RALYL: variants seen among roughly 807,000 people sequenced by gnomAD.
RALYL encodes the protein RALY RNA binding protein like.
In RALYL, 29 loss-of-function variants were observed where a neutral mutation model predicts 35.1. The ratio of observed to expected loss-of-function variants is 0.83; its 90% confidence interval spans 0.61 to 1.13. The LOEUF is 1.13. RALYL is among the 50% of genes most tolerant of loss of function. The probability of loss-of-function intolerance (pLI) is 0.00; values close to 1 mark genes in which losing one functional copy is unlikely to be tolerated. For synonymous variants in RALYL, 120 were observed against 127.6 expected (o/e 0.94, Z 0.40); for missense variants, 359 against 360.4 (o/e 1.00, Z 0.03).
chr8:84,790,264 A>T (rs549764654), intron 3 of RALYL, among the ~76,000 whole-genome samples: 20 of 152,358 alleles, frequency 1.3e-4, no homozygotes, highest in Middle Eastern at 3.4e-3. Flanking sequence ...CAAGACAGCC[A>T]AATTTTAGGG....
chr8:84,418,046 T>C (rs1425775149), intron 1 of RALYL, among the ~76,000 whole-genome samples: 1 of 152,176 alleles, frequency 6.6e-6, no homozygotes, highest in Non-Finnish European at 1.5e-5. Context: ...ATTCAATCTG[T>C]AATGCATCAC....
intron 2 of RALYL, among the ~76,000 whole-genome samples, chr8:84,693,394 A>C (rs372145904): frequency 1.3e-5 from 2 of 151,946 alleles, no homozygotes; most frequent in Non-Finnish European, 2.9e-5. Context: ...GGAAAAGCCC[A>C]TTATAAAACC....
chr8:84,436,093 C>G (rs185505924), intron 1 of RALYL, among the ~76,000 whole-genome samples: 1 of 151,974 alleles, frequency 6.6e-6, no homozygotes, highest in African/African-American at 2.4e-5. Flanking sequence ...AACCTATTCA[C>G]GTAAAAAAAT....
intron 4 of RALYL, among the ~76,000 whole-genome samples, chr8:84,818,991 A>G (rs1041488933): frequency 1.3e-5 from 2 of 152,166 alleles, no homozygotes; most frequent in Non-Finnish European, 2.9e-5. Flanking sequence ...AGCTTTAAAT[A>G]TGCCCATCTA....
intron 2 of RALYL, among the ~76,000 whole-genome samples, chr8:84,578,599 T>A (rs180994206): frequency 3.9e-4 from 59 of 152,230 alleles, no homozygotes; most frequent in African/African-American, 1.3e-3. Flanking sequence ...TCATTTTCAC[T>A]AGCAAGTCAT....
At chr8:84,847,457 T>C (rs1834906678) in intron 4 of RALYL, among the ~76,000 whole-genome samples, 1 of 152,130 alleles carries the variant, frequency 6.6e-6, no homozygotes, top group Non-Finnish European at 1.5e-5. Context: ...CTGCTTTAAG[T>C]ATGTAGGTTT....
At chr8:84,602,379 CTATT>C (rs1816168753) in intron 2 of RALYL, among the ~76,000 whole-genome samples, 1 of 152,098 alleles carries the variant, frequency 6.6e-6, no homozygotes, top group African/African-American at 2.4e-5. Context: ...ACCCTTGACT[CTATT>C]TATTCCATCT....
intron 2 of RALYL, among the ~76,000 whole-genome samples, chr8:84,545,287 G>T (rs1415273841): frequency 6.6e-6 from 1 of 152,016 alleles, no homozygotes; most frequent in Non-Finnish European, 1.5e-5. Flanking sequence ...CCATTGGTCT[G>T]TCTGAACTAA....
intron 1 of RALYL, among the ~76,000 whole-genome samples, chr8:84,250,867 T>C (rs1361622706): frequency 3.3e-5 from 5 of 152,114 alleles, no homozygotes; most frequent in Non-Finnish European, 7.4e-5. Flanking sequence ...CCCTCAACCT[T>C]TGGCTAGAAA....
chr8:84,794,859 G>C (rs1264985908), intron 3 of RALYL, among the ~76,000 whole-genome samples: 1 of 152,144 alleles, frequency 6.6e-6, no homozygotes, highest in Non-Finnish European at 1.5e-5. Flanking sequence ...AATTATGAAA[G>C]AACATTACAG....
intron 8 of RALYL, among the ~76,000 whole-genome samples, chr8:84,911,966 G>A (rs549741997): frequency 1.3e-5 from 2 of 152,210 alleles, no homozygotes; most frequent in African/African-American, 2.4e-5. Flanking sequence ...TCCTCCTGGC[G>A]TGTGGCTATT....
At chr8:84,480,641 G>A (rs905391824) in intron 1 of RALYL, among the ~76,000 whole-genome samples, 4 of 152,058 alleles carry the variant, frequency 2.6e-5, no homozygotes, top group African/African-American at 7.2e-5. Flanking sequence ...CAAGAAATGT[G>A]GTGATAAGAG....
At chr8:84,691,058 G>T (rs1837940059) in intron 2 of RALYL, among the ~76,000 whole-genome samples, 1 of 152,070 alleles carries the variant, frequency 6.6e-6, no homozygotes, top group Non-Finnish European at 1.5e-5. Context: ...GCATTTTATA[G>T]TAATAACATT....
At chr8:84,804,609 C>T (rs1425989865) in intron 3 of RALYL, among the ~76,000 whole-genome samples, 161 bp from the exon 4 acceptor site, 1 of 152,044 alleles carries the variant, frequency 6.6e-6, no homozygotes, top group African/African-American at 2.4e-5. Flanking sequence ...TTGAATTAGT[C>T]CAGATTAGGT....
intron 2 of RALYL, among the ~76,000 whole-genome samples, chr8:84,622,288 G>C (rs540599914): frequency 2.9e-4 from 44 of 152,256 alleles, no homozygotes; most frequent in African/African-American, 9.9e-4. Context: ...AGCATGAAGG[G>C]CTTGTTAAAA....
chr8:84,406,851 A>C (rs962658810), intron 1 of RALYL, among the ~76,000 whole-genome samples: 5 of 152,074 alleles, frequency 3.3e-5, no homozygotes, highest in African/African-American at 1.2e-4. Context: ...CAAAACTTCT[A>C]ATTCTCAAAT....
At chr8:84,530,939 AG>A (rs2059238204) in intron 2 of RALYL, among the ~76,000 whole-genome samples, 1 of 152,096 alleles carries the variant, frequency 6.6e-6, no homozygotes, top group Non-Finnish European at 1.5e-5. Context: ...CTCAGACAAC[AG>A]GTCTTTGCTA....
At chr8:84,339,883 T>G (rs1370249415) in intron 1 of RALYL, among the ~76,000 whole-genome samples, 1 of 152,104 alleles carries the variant, frequency 6.6e-6, no homozygotes, top group African/African-American at 2.4e-5. Context: ...GTGATATGGT[T>G]TGGCTGTGTC....
chr8:84,216,069 G>A (rs1485902867), intron 1 of RALYL, among the ~76,000 whole-genome samples: 1 of 151,982 alleles, frequency 6.6e-6, no homozygotes, highest in Non-Finnish European at 1.5e-5. Context: ...ATATATTAAG[G>A]CACATGACCT....
Sources: allele counts gnomAD v4.1 joint callset (sites outside exome capture counted in the v4.1 genomes callset), GRCh38; gene constraint gnomAD v4.1.1; transcripts MANE v1.5; gene names NCBI Gene and HGNC (gene_info 2026-07-23, HGNC 2026-07-21).